Variants in CDH13 observed in about 807,000 individuals in gnomAD.
The protein encoded by CDH13 is cadherin 13, also known as cadherin-13.
In CDH13, 24 loss-of-function variants were observed where a neutral mutation model predicts 63.8. That is an observed-to-expected ratio of 0.38 (90% CI 0.27 to 0.53). CDH13 has a LOEUF of 0.53. Among genes scored for constraint, CDH13 ranks in the 20% least tolerant of loss-of-function variants. The probability of loss-of-function intolerance (pLI) is 0.85; values close to 1 mark genes in which losing one functional copy is unlikely to be tolerated. For synonymous variants in CDH13, 503 were observed against 355.3 expected, an observed-to-expected ratio of 1.42 and a Z score of -4.67; for missense variants, 1,049 against 903.1, an observed-to-expected ratio of 1.16 and a Z score of -2.07.
At chr16:83,383,159 T>C (rs1056272161) in intron 6 of CDH13, 1 of 152,146 alleles carries the variant, frequency 6.6e-6, no homozygotes, top group Non-Finnish European at 1.5e-5. Context: ...CTCAACGTGG[T>C]CCATCTGATG....
intron 7 of CDH13, among the ~76,000 whole-genome samples, chr16:83,570,972 A>ATAT (rs57638289): frequency 6.8e-4 from 75 of 109,600 alleles, no homozygotes; most frequent in South Asian, 4.6e-3. Context: ...TATATATATA[A>ATAT]AAACCTTCTG....
chr16:82,984,954 C>T (rs766781777), intron 2 of CDH13, among the ~76,000 whole-genome samples: 12 of 152,280 alleles, frequency 7.9e-5, no homozygotes, highest in Middle Eastern at 3.4e-3. Context: ...TACTTAGCTG[C>T]TTGCAAAGCC....
intron 11 of CDH13, among the ~76,000 whole-genome samples, chr16:83,760,798 CAG>C (rs919097984): frequency 6.6e-5 from 10 of 152,164 alleles, no homozygotes; most frequent in African/African-American, 2.4e-4. Flanking sequence ...TGCATGGCTG[CAG>C]AGAGAGAGCA....
At chr16:83,018,320 T>C (rs1052005190) in intron 2 of CDH13, among the ~76,000 whole-genome samples, 6 of 152,322 alleles carry the variant, frequency 3.9e-5, no homozygotes, top group African/African-American at 1.2e-4. Context: ...ATAGATGCTA[T>C]TCCACATTCA....
At chr16:83,660,666 A>G (rs1199396301) in intron 8 of CDH13, among the ~76,000 whole-genome samples, 1 of 152,254 alleles carries the variant, frequency 6.6e-6, no homozygotes, top group East Asian at 1.9e-4. Flanking sequence ...GCAGAATTGC[A>G]TAAGCCAAAC....
In CDH13 at chr16:82,880,722, A is replaced by G. The variant is rs142125706; in HGVS notation, c.157+22249A>G. On this transcript the variant is annotated intron_variant, in intron 2 of 13. Transcript: ENST00000567109. ...AATACCCTTTCTATTATACATCAAT[A>G]TGCTGGTATATTTCATAAGTTGGCC... Among the ~76,000 whole-genome samples, 10 of 152,324 alleles carry G rather than the reference A, an allele frequency of 6.6e-5. No individual in the cohort carries two copies. The East Asian group carries it at 1.9e-3, about 29-fold the overall frequency.
At chr16:82,789,225 G>A (rs2036169025) in intron 1 of CDH13, among the ~76,000 whole-genome samples, 1 of 152,188 alleles carries the variant, frequency 6.6e-6, no homozygotes, top group Non-Finnish European at 1.5e-5. Context: ...GTTGATCACA[G>A]AAACTAGAGA....
intron 6 of CDH13, among the ~76,000 whole-genome samples, chr16:83,394,639 T>C (rs28711921): frequency 0.33 from 50,669 of 152,066 alleles, 8,748 homozygotes; most frequent in Middle Eastern, 0.37. Context: ...ATGACCTGAC[T>C]TGCATTTTAT....
chr16:82,871,795 C>A (rs1420026604), intron 2 of CDH13, among the ~76,000 whole-genome samples: 3 of 152,172 alleles, frequency 2.0e-5, no homozygotes, highest in Non-Finnish European at 4.4e-5. Flanking sequence ...CATCCCCCAG[C>A]TTTGCTTTCT....
At chr16:83,025,105 A>C (rs781221471) in intron 2 of CDH13, among the ~76,000 whole-genome samples, 14 of 152,214 alleles carry the variant, frequency 9.2e-5, no homozygotes, top group Non-Finnish European at 1.9e-4. Flanking sequence ...AGTGCCCAGA[A>C]TTATGGCAAT....
At chr16:83,522,705 C>G (rs2074869083) in intron 7 of CDH13, among the ~76,000 whole-genome samples, 1 of 152,184 alleles carries the variant, frequency 6.6e-6, no homozygotes, top group Non-Finnish European at 1.5e-5. Flanking sequence ...CATCCCTGGG[C>G]CCTGTCGGGG....
intron 1 of CDH13, among the ~76,000 whole-genome samples, chr16:82,703,974 G>C (rs751304093): frequency 2.0e-5 from 3 of 152,128 alleles, no homozygotes; most frequent in Non-Finnish European, 4.4e-5. Flanking sequence ...TTTCCAATTT[G>C]TGTTTTCAAG....
In CDH13 at chr16:83,678,404, G is replaced by A. The variant is rs1367882617; in HGVS notation, c.1481G>A (p.Ser494Asn). ...AGGCAGGAGGACCTCTCTGTGGGCAGCGTGCTGCTGACAGTGAATGCCACG... is the reference window on the plus strand; with the variant it reads ...AGGCAGGAGGACCTCTCTGTGGGCAACGTGCTGCTGACAGTGAATGCCACG... Reference protein sequence around the residue: ...VTRQEDLSVGSVLLTVNATDP... With the variant: ...VTRQEDLSVGNVLLTVNATDP... The change falls in exon 10 of 14, where the codon AGC (serine) becomes AAC (asparagine). Residue 494 changes from serine (S) to asparagine (N), a missense_variant. Ser to Asn is a conservative substitution (Grantham distance 46). Coordinates refer to ENST00000567109, the MANE Select transcript of CDH13 (RefSeq NM_001257.5). The A allele has an allele frequency of 1.9e-6, 3 of 1,614,018 alleles. 1 individual carries two copies. The South Asian group carries it at 3.3e-5, about 18-fold the overall frequency.
At chr16:82,679,932 G>A (rs190974935) in intron 1 of CDH13, among the ~76,000 whole-genome samples, 49 of 152,286 alleles carry the variant, frequency 3.2e-4, no homozygotes, top group African/African-American at 1.1e-3. Context: ...TGAGCCCACA[G>A]GAAACCTTCA....
At chr16:82,787,203 A>C (rs1333253078) in intron 1 of CDH13, among the ~76,000 whole-genome samples, 1 of 152,192 alleles carries the variant, frequency 6.6e-6, no homozygotes, top group African/African-American at 2.4e-5. Context: ...TCTCCTGAGA[A>C]CAGATGCTCT....
chr16:83,231,548 G>T (rs1338708103), intron 5 of CDH13, among the ~76,000 whole-genome samples: 2 of 152,188 alleles, frequency 1.3e-5, no homozygotes, highest in Non-Finnish European at 2.9e-5. Flanking sequence ...AGCACAGAGG[G>T]ATTGTTACTT....
intron 2 of CDH13, among the ~76,000 whole-genome samples, chr16:83,012,617 A>T (rs111352228): frequency 7.2e-5 from 11 of 152,300 alleles, no homozygotes; most frequent in African/African-American, 2.6e-4. Flanking sequence ...CACTTTAAGT[A>T]TGGGAAACAG....
intron 1 of CDH13, among the ~76,000 whole-genome samples, chr16:82,742,298 A>G (rs1335688569): frequency 6.6e-6 from 1 of 152,186 alleles, no homozygotes; most frequent in African/African-American, 2.4e-5. Flanking sequence ...TAATCACAGG[A>G]TGATCTTATT....
intron 2 of CDH13, among the ~76,000 whole-genome samples, chr16:82,946,003 A>T (rs1904673158): frequency 1.3e-5 from 2 of 151,878 alleles, no homozygotes; most frequent in Admixed American, 6.6e-5. Flanking sequence ...TATGTTTTGT[A>T]ATTCTGAATT....
Sources: allele counts gnomAD v4.1 joint callset (sites outside exome capture counted in the v4.1 genomes callset), GRCh38; gene constraint gnomAD v4.1.1; transcripts MANE v1.5; gene names NCBI Gene and HGNC (gene_info 2026-07-23, HGNC 2026-07-21).